SGCD: variants seen among roughly 807,000 people sequenced by gnomAD.
SGCD encodes the protein sarcoglycan delta, also known as delta-sarcoglycan.
A neutral mutation model predicts 36.6 loss-of-function variants in SGCD; 18 were observed. The observed-to-expected ratio is 0.49, with a 90% CI of 0.34 to 0.73. The LOEUF (loss-of-function observed/expected upper bound fraction) is 0.73. SGCD is among the 30% of genes least tolerant of loss of function. The pLI is 0.01. For missense variants in SGCD, 387 were observed against 346.7 expected, an observed-to-expected ratio of 1.12 and a Z score of -0.92; for synonymous variants, 133 against 130.6, an observed-to-expected ratio of 1.02 and a Z score of -0.12.
intron 1 of SGCD, among the ~76,000 whole-genome samples, chr5:155,923,530 G>C (rs1324971519): frequency 6.6e-6 from 1 of 152,154 alleles, no homozygotes; most frequent in Non-Finnish European, 1.5e-5. Flanking sequence ...TATATAACAG[G>C]CTCCTTGTGA....
chr5:156,686,993 T>C (rs898471016), intron 7 of SGCD, among the ~76,000 whole-genome samples: 5 of 152,172 alleles, frequency 3.3e-5, no homozygotes, highest in Admixed American at 6.6e-5. Flanking sequence ...AGCAGCTCTT[T>C]GCACAGTGAC....
intron 3 of SGCD, among the ~76,000 whole-genome samples, chr5:156,215,480 T>C (rs1764546993): frequency 6.6e-6 from 1 of 151,990 alleles, no homozygotes; most frequent in Non-Finnish European, 1.5e-5. Context: ...AGAAACTCAA[T>C]AGCAAGAAGA....
chr5:156,628,618 A>G (rs1379741786), intron 6 of SGCD, among the ~76,000 whole-genome samples: 1 of 152,168 alleles, frequency 6.6e-6, no homozygotes, highest in African/African-American at 2.4e-5. Flanking sequence ...GACAAGTAAA[A>G]CTGATTTACA....
chr5:156,753,276 G>GCAT (rs1757217101), intron 7 of SGCD, among the ~76,000 whole-genome samples: 1 of 152,106 alleles, frequency 6.6e-6, no homozygotes, highest in Non-Finnish European at 1.5e-5. Context: ...CCTCCTTTCT[G>GCAT]CATCTCTTCA....
intron 6 of SGCD, among the ~76,000 whole-genome samples, chr5:156,629,850 T>A (rs1167666586): frequency 2.0e-5 from 3 of 148,460 alleles, no homozygotes; most frequent in Non-Finnish European, 1.5e-5. Context: ...GTTTTGAGAC[T>A]TTTTCTTTTT....
chr5:155,816,942 T>G, the SGCD span, among the ~76,000 whole-genome samples: 2 of 152,340 alleles, frequency 1.3e-5, no homozygotes, highest in African/African-American at 4.8e-5. Context: ...TAAATGCAAC[T>G]ACTGCACAAC....
chr5:156,044,247 T>C (rs1397989386), intron 1 of SGCD, among the ~76,000 whole-genome samples: 1 of 152,186 alleles, frequency 6.6e-6, no homozygotes, highest in East Asian at 1.9e-4. Flanking sequence ...GCCTAGGGCT[T>C]TGAGCACATT....
At chr5:155,822,607 G>C in the SGCD span, among the ~76,000 whole-genome samples, 1,444 of 152,310 alleles carry the variant, frequency 9.5e-3, 23 homozygotes, top group African/African-American at 0.033. Flanking sequence ...GTGTTGTATG[G>C]GAAATGTGCA....
At chr5:155,870,952 A>G (rs373311226) in intron 1 of SGCD, among the ~76,000 whole-genome samples, 104 of 152,310 alleles carry the variant, frequency 6.8e-4, no homozygotes, top group African/African-American at 2.4e-3. Context: ...ATTACTCAAG[A>G]TGAAAATCTT....
chr5:156,125,856 TA>T (rs1366660576), intron 3 of SGCD, among the ~76,000 whole-genome samples: 1 of 144,724 alleles, frequency 6.9e-6, no homozygotes, highest in Non-Finnish European at 1.5e-5. Flanking sequence ...TTATTATTAT[TA>T]TTATTATTAT....
intron 3 of SGCD, among the ~76,000 whole-genome samples, chr5:156,314,387 T>C (rs749392767): frequency 2.0e-5 from 3 of 152,054 alleles, no homozygotes; most frequent in Admixed American, 6.6e-5. Context: ...AAATTTAAGA[T>C]TAAGATTTAT....
chr5:156,509,094 T>C (rs13361103), intron 4 of SGCD, among the ~76,000 whole-genome samples: 59 of 152,204 alleles, frequency 3.9e-4, no homozygotes, highest in African/African-American at 1.3e-3. Context: ...TGTTTTTCAT[T>C]AAGACTTTAC....
chr5:155,824,465 C>A, the SGCD span, among the ~76,000 whole-genome samples: 1 of 152,034 alleles, frequency 6.6e-6, no homozygotes, highest in Non-Finnish European at 1.5e-5. Flanking sequence ...TCAAATCTCC[C>A]TTTATTAGTC....
chr5:155,932,974 T>A (rs1269300720), intron 1 of SGCD, among the ~76,000 whole-genome samples: 1 of 152,116 alleles, frequency 6.6e-6, no homozygotes, highest in Non-Finnish European at 1.5e-5. Flanking sequence ...ACCTTTCAGG[T>A]CCCTTGCTCC....
At chr5:156,140,303 C>T (rs188603808) in intron 3 of SGCD, among the ~76,000 whole-genome samples, 15 of 152,298 alleles carry the variant, frequency 9.8e-5, no homozygotes, top group Admixed American at 4.6e-4. Flanking sequence ...TTGCTGTGAA[C>T]TGAGCATTAA....
intron 1 of SGCD, among the ~76,000 whole-genome samples, chr5:155,893,144 C>T (rs980096201): frequency 3.9e-5 from 6 of 151,910 alleles, no homozygotes; most frequent in South Asian, 2.1e-4. Flanking sequence ...ACAAAGACAC[C>T]GTAAATGTTT....
chr5:156,365,984 A>G (rs1164189594), intron 3 of SGCD, among the ~76,000 whole-genome samples: 1 of 152,234 alleles, frequency 6.6e-6, no homozygotes, highest in Non-Finnish European at 1.5e-5. Context: ...TGTAAGCAAG[A>G]GAAGGTACAA....
intron 3 of SGCD, among the ~76,000 whole-genome samples, chr5:156,383,923 A>G (rs140617): frequency 0.12 from 18,832 of 152,222 alleles, 1,280 homozygotes; most frequent in Middle Eastern, 0.25. Context: ...GAATATGGCA[A>G]GAGACTCTGT....
chr5:156,630,186 A>T (rs565925399), intron 6 of SGCD, among the ~76,000 whole-genome samples: 1 of 152,256 alleles, frequency 6.6e-6, no homozygotes, highest in East Asian at 1.9e-4. Flanking sequence ...ATCATTTAGT[A>T]TGTGAAGTCT....
Sources: gnomAD v4.1 joint callset for allele counts (sites outside exome capture counted in the v4.1 genomes callset) on GRCh38, gnomAD v4.1.1 for gene constraint, MANE v1.5 for transcripts, NCBI Gene and HGNC (gene_info 2026-07-23, HGNC 2026-07-21) for gene names.